Variants in SLC35E4 observed in about 807,000 individuals in gnomAD.
The protein encoded by SLC35E4 is solute carrier family 35, member E4.
SLC35E4 carries 15 observed loss-of-function variants against 19.3 expected under a neutral mutation model. That is an observed-to-expected ratio of 0.78 (90% CI 0.52 to 1.20). SLC35E4 has a LOEUF of 1.20. SLC35E4 is among the 50% of genes most tolerant of loss of function. The pLI is 0.00. For synonymous variants in SLC35E4, 219 were observed against 219.9 expected (o/e 1.00, Z 0.04); for missense variants, 406 against 472.3 (o/e 0.86, Z 1.30).
chr22:30,658,402 G>A (rs2088390180), intron 2 of SLC35E4, among the ~76,000 whole-genome samples: 1 of 151,442 alleles, frequency 6.6e-6, no homozygotes, highest in Admixed American at 6.6e-5. Context: ...TTTTTTTGGG[G>A]GTAGCAGCAG....
chr22:30,646,106 C>G (rs568196410), intron 1 of SLC35E4, among the ~76,000 whole-genome samples: 139 of 152,290 alleles, frequency 9.1e-4, no homozygotes, highest in Middle Eastern at 6.8e-3. Flanking sequence ...CCACACCCAG[C>G]CTTTGTAATG....
At chr22:30,639,999 A>C (rs1281683473) in intron 1 of SLC35E4, among the ~76,000 whole-genome samples, 1 of 152,168 alleles carries the variant, frequency 6.6e-6, no homozygotes, top group African/African-American at 2.4e-5. Context: ...ATGTTCAGAG[A>C]TTGCAGTAAA....
chr22:30,648,159 G>A (rs921910784), downstream of SLC35E4, among the ~76,000 whole-genome samples: 4 of 151,990 alleles, frequency 2.6e-5, no homozygotes, highest in Non-Finnish European at 5.9e-5. Flanking sequence ...TCACTAAAAC[G>A]TGCACATTCT....
chr22:30,651,289 C>T (rs2088204730), downstream of SLC35E4, among the ~76,000 whole-genome samples: 1 of 150,196 alleles, frequency 6.7e-6, no homozygotes, highest in Non-Finnish European at 1.5e-5. Flanking sequence ...CAACCTCTGC[C>T]TCCCAGGTTC....
chr22:30,666,799 G>C (rs1049765380), downstream of SLC35E4: 2 of 152,076 alleles, frequency 1.3e-5, no homozygotes, highest in Non-Finnish European at 2.9e-5. Flanking sequence ...TAGGATAACA[G>C]TACCTACCTT....
At chr22:30,637,203 G>A in intron 1 of SLC35E4, 134 bp downstream of exon 1, 1 of 1,349,894 alleles carries the variant, frequency 7.4e-7, no homozygotes, top group Non-Finnish European at 9.9e-7. Flanking sequence ...GGAGGAAGCA[G>A]AACTGAGGCT....
intron 1 of SLC35E4, among the ~76,000 whole-genome samples, chr22:30,637,424 C>T (rs1269300822): frequency 6.6e-6 from 1 of 152,196 alleles, no homozygotes; most frequent in Non-Finnish European, 1.5e-5. Flanking sequence ...ACTACAGGTG[C>T]ACACCACCAC....
intron 1 of SLC35E4, among the ~76,000 whole-genome samples, chr22:30,641,551 ATTAT>A (rs1297431549): frequency 6.0e-5 from 9 of 150,996 alleles, no homozygotes; most frequent in Admixed American, 1.3e-4. Context: ...ATTTTATTTT[ATTAT>A]TTTTTTTTTT....
exon 3 of SLC35E4, chr22:30,662,345 G>C (rs1185871903): frequency 6.6e-6 from 1 of 152,224 alleles, no homozygotes; most frequent in Non-Finnish European, 1.5e-5. Flanking sequence ...TGACAGGGCT[G>C]GGCCTTGGTC....
In SLC35E4 at chr22:30,637,007, C is replaced by T; in HGVS notation, c.557C>T (p.Pro186Leu). 6.2e-7 allele frequency: 1 copy of T among 1,602,718 alleles called. No individual in the cohort carries two copies. Among genetic ancestry groups the T allele is most frequent in the South Asian group, 1.1e-5 (1 of 90,686 alleles). ...CSLAGEFRTPPTGCGFLLAAT... is the reference protein window; with the variant it reads ...CSLAGEFRTPLTGCGFLLAAT... ...CTGGCTGGAGAGTTCCGGACACCCC[C>T]TACCGGCTGTGGCTTCCTGCTCGCA... The change falls in exon 1 of 2, where the codon CCT (proline) becomes CTT (leucine). Residue 186 changes from proline to leucine, a missense_variant. Coordinates refer to ENST00000343605, the MANE Select transcript of SLC35E4 (RefSeq NM_001001479.4).
At chr22:30,663,552 A>G (rs916368244), downstream of SLC35E4, 1 of 1,614,214 alleles carries the variant, frequency 6.2e-7, no homozygotes, top group South Asian at 1.1e-5. Flanking sequence ...ATAGTGGATG[A>G]GCTGCTCCCA....
At chr22:30,666,300 G>A (rs772457302), downstream of SLC35E4, among the ~76,000 whole-genome samples, 6 of 152,110 alleles carry the variant, frequency 3.9e-5, no homozygotes, top group African/African-American at 7.2e-5. Flanking sequence ...GTAGTGATGC[G>A]AGGAGTCATT....
chr22:30,656,812 A>C lies in SLC35E4; in HGVS notation c.*9-5248A>C, dbSNP rs537648902. The stretch of plus-strand genomic sequence containing the variant: ...CATGTCCAATTCTGAATATTTAAAA[A>C]GAGAGTTAAAAAGGAGGAATGGCTT... On this transcript the variant is annotated intron_variant, in intron 2 of 2. Transcript: ENST00000406566. Among the ~76,000 whole-genome samples, 5 of 152,190 alleles carry C rather than the reference A, an allele frequency of 3.3e-5. 1 individual carries two copies. The highest frequency in any genetic ancestry group is 1.2e-4 in the African/African-American group (5 of 41,450).
downstream of SLC35E4, chr22:30,665,229 G>A (rs373514503): frequency 1.1e-5 from 2 of 185,412 alleles, no homozygotes; most frequent in Admixed American, 1.2e-4. Context: ...CGAGAAATGA[G>A]GAGCCAAAGT....
chr22:30,645,968 GCCACCACT>G (rs1334769824), intron 1 of SLC35E4, among the ~76,000 whole-genome samples: 2 of 151,886 alleles, frequency 1.3e-5, no homozygotes. Flanking sequence ...AAAGGCACGT[GCCACCACT>G]CCCAGCTAAT....
intron 1 of SLC35E4, 63 bp from the exon 2 acceptor site, chr22:30,646,535 A>AT: frequency 1.3e-6 from 2 of 1,544,216 alleles, no homozygotes; most frequent in Non-Finnish European, 1.7e-6. Flanking sequence ...CATAGGGGTC[A>AT]TACTGGGGTG....
At chr22:30,641,706 G>A (rs1333392516) in intron 1 of SLC35E4, among the ~76,000 whole-genome samples, 1 of 142,508 alleles carries the variant, frequency 7.0e-6, no homozygotes, top group Non-Finnish European at 1.5e-5. Flanking sequence ...CCACCGTCCT[G>A]GCTAATTTTT....
chr22:30,667,439 T>A (rs2088718086), downstream of SLC35E4: 1 of 152,202 alleles, frequency 6.6e-6, no homozygotes, highest in African/African-American at 2.4e-5. Flanking sequence ...GCCTGCTTAG[T>A]GTCAGGACCC....
chr22:30,668,378 T>A (rs2088756182), exon 3 of SLC35E4: 1 of 152,276 alleles, frequency 6.6e-6, no homozygotes, highest in African/African-American at 2.4e-5. Context: ...TCAGACTCGC[T>A]CTCCCTCAGC....
Sources: gnomAD v4.1 joint callset for allele counts (sites outside exome capture counted in the v4.1 genomes callset) on GRCh38, gnomAD v4.1.1 for gene constraint, MANE v1.5 for transcripts, NCBI Gene and HGNC (gene_info 2026-07-23, HGNC 2026-07-21) for gene names.